Variants in GRK3 observed in about 807,000 individuals in gnomAD.
GRK3 encodes the protein adrenergic, beta, receptor kinase 2.
Under a neutral mutation model 95.7 loss-of-function variants are expected in GRK3, and 54 were observed. The observed-to-expected ratio is 0.56, with a 90% confidence interval of 0.45 to 0.71. The LOEUF (loss-of-function observed/expected upper bound fraction) is 0.71, where lower values mean the gene tolerates loss of function less well. Ranked by LOEUF, GRK3 falls within the 30% of genes least tolerant of loss-of-function variation. The pLI is 0.00. For synonymous variants in GRK3, 281 were observed against 290.8 expected (o/e 0.97, Z 0.34); for missense variants, 649 against 851.2 (o/e 0.76, Z 2.96).
intron 1 of GRK3, among the ~76,000 whole-genome samples, chr22:25,592,775 G>A (rs1932536102): frequency 6.6e-6 from 1 of 152,310 alleles, no homozygotes; most frequent in East Asian, 1.9e-4. Context: ...ACAGTATCCA[G>A]TAGTGTTTCA....
intron 1 of GRK3, among the ~76,000 whole-genome samples, chr22:25,586,560 ATAGCAGTGATG>A (rs1333207276): frequency 6.6e-6 from 1 of 152,292 alleles, no homozygotes; most frequent in East Asian, 1.9e-4. Flanking sequence ...GGGAAATGAT[ATAGCAGTGATG>A]TACAGCAAGC....
Position 25,572,374 on chromosome 22 carries a change from G to C in GRK3, c.113+7221G>C, listed in dbSNP as rs372930158. ...TTATAATGCTTTGGATATATATCCA[G>C]TAATGGGATGGCTGGGTCAAATGGT... On this transcript the variant is annotated intron_variant, in intron 1 of 20. Transcript: ENST00000324198. 8.3e-4 allele frequency among the ~76,000 whole-genome samples: 126 copies of C among 152,316 alleles called. 1 individual carries two copies. Among genetic ancestry groups the C allele is most frequent in the South Asian group, 5.4e-3 (26 of 4,824 alleles).
intron 2 of GRK3, among the ~76,000 whole-genome samples, chr22:25,637,459 A>G (rs74510763): frequency 0.021 from 3,274 of 152,312 alleles, 60 homozygotes; most frequent in Middle Eastern, 0.068. Flanking sequence ...ATAGTATTCC[A>G]CTGTGTGAAA....
chr22:25,676,909 A>G (rs2085034473), intron 8 of GRK3, among the ~76,000 whole-genome samples: 1 of 152,154 alleles, frequency 6.6e-6, no homozygotes, highest in South Asian at 2.1e-4. Context: ...AGTTGCATGC[A>G]CACTGGCTCT....
chr22:25,677,037 GCTAT>G (rs1376630116), intron 8 of GRK3, among the ~76,000 whole-genome samples: 1 of 152,098 alleles, frequency 6.6e-6, no homozygotes, highest in African/African-American at 2.4e-5. Flanking sequence ...AGGCCTGTGT[GCTAT>G]CTCCTTTGGT....
At chr22:25,702,844 G>T (rs1384939781) in intron 13 of GRK3, 2 of 455,944 alleles carry the variant, frequency 4.4e-6, no homozygotes, top group African/African-American at 4.0e-5. Flanking sequence ...CTTTACAGAT[G>T]AAGAATTGAT....
In GRK3 at chr22:25,723,059, G is replaced by A. The variant is rs2085446539; in HGVS notation, c.*609G>A. 6.6e-6 allele frequency: 1 copy of A among 152,370 alleles called. No homozygotes were observed. Among genetic ancestry groups the A allele is most frequent in the African/African-American group, 2.4e-5 (1 of 41,448 alleles). 9.4% of individuals were successfully genotyped at this position (152,370 alleles called of 1,614,324 possible). On this transcript the variant is annotated 3_prime_UTR_variant, in exon 21 of 21. Coordinates refer to ENST00000324198, the MANE Select transcript of GRK3 (RefSeq NM_005160.4). The stretch of plus-strand genomic sequence containing the variant: ...ACCAGTCTGTTCCGGGGCCCCCTCA[G>A]CCAGGTGGGAATGACGGACACGTAC...
chr22:25,698,106 G>A (rs2085224834), intron 13 of GRK3, among the ~76,000 whole-genome samples: 1 of 149,668 alleles, frequency 6.7e-6, no homozygotes, highest in South Asian at 2.1e-4. Context: ...GGAGAGGGAG[G>A]GAGGAGGGAA....
rs1177746420 is a variant in GRK3, at chr22:25,678,851, A to G, written c.683A>G (p.Lys228Arg). 6.2e-7 allele frequency: 1 copy of G among 1,609,486 alleles called. No homozygotes were observed. ...AAATGCTTAGATAAGAAGAGGATCA[A>G]AATGAAACAAGGAGAAACATTAGCC... ...AMKCLDKKRI[K>R]MKQGETLALN... The change falls in exon 9 of 21, where the codon AAA becomes AGA. Residue 228 changes from lysine (K) to arginine (R), a missense_variant. Physicochemically the swap from Lys to Arg is conservative, Grantham distance 26. Transcript: ENST00000324198.
At chr22:25,656,734 C>A (rs181478168) in intron 3 of GRK3, among the ~76,000 whole-genome samples, 1 of 152,076 alleles carries the variant, frequency 6.6e-6, no homozygotes, top group East Asian at 1.9e-4. Context: ...GAGAAACAGA[C>A]AAGAAACAAA....
At chr22:25,575,052 TA>T (rs1931843916) in intron 1 of GRK3, among the ~76,000 whole-genome samples, 1 of 152,220 alleles carries the variant, frequency 6.6e-6, no homozygotes, top group African/African-American at 2.4e-5. Flanking sequence ...ATCCCTCCAA[TA>T]AATAAAACCG....
chr22:25,603,215 C>T (rs2084421074), intron 1 of GRK3, among the ~76,000 whole-genome samples: 1 of 152,116 alleles, frequency 6.6e-6, no homozygotes, highest in Non-Finnish European at 1.5e-5. Context: ...CCTCGCCTAC[C>T]TAACAATATA....
chr22:25,687,815 C>G, intron 11 of GRK3, 148 bp downstream of exon 11: 1 of 840,306 alleles, frequency 1.2e-6, no homozygotes, highest in Non-Finnish European at 1.8e-6. Context: ...GACATTTTAT[C>G]TCCTCTAGAC....
At chr22:25,631,339 T>TA (rs2084663008) in intron 2 of GRK3, among the ~76,000 whole-genome samples, 5 of 152,230 alleles carry the variant, frequency 3.3e-5, no homozygotes, top group Non-Finnish European at 7.3e-5. Flanking sequence ...AGTCCACACT[T>TA]ATGTGTGTGA....
At chr22:25,719,123 A>C (rs1271288705) in intron 19 of GRK3, among the ~76,000 whole-genome samples, 1 of 152,140 alleles carries the variant, frequency 6.6e-6, no homozygotes, top group Non-Finnish European at 1.5e-5. Context: ...GGGTTCCTGG[A>C]ACCAGTCCCC....
intron 1 of GRK3, among the ~76,000 whole-genome samples, chr22:25,574,644 G>C (rs2146313236): frequency 6.6e-6 from 1 of 152,320 alleles, no homozygotes; most frequent in African/African-American, 2.4e-5. Context: ...GAGGTATTTG[G>C]TGGTGGTGGC....
intron 1 of GRK3, among the ~76,000 whole-genome samples, chr22:25,595,574 A>G (rs1282319170): frequency 6.6e-6 from 1 of 152,248 alleles, no homozygotes; most frequent in African/African-American, 2.4e-5. Flanking sequence ...ACATAAGGGA[A>G]TAGTCAAGAA....
intron 15 of GRK3, among the ~76,000 whole-genome samples, chr22:25,706,412 G>A (rs1164943441): frequency 6.6e-6 from 1 of 152,196 alleles, no homozygotes; most frequent in African/African-American, 2.4e-5. Context: ...CGTCCCCAGG[G>A]CAGTAGCTCT....
chr22:25,675,950 G>A (rs767407839), intron 8 of GRK3, among the ~76,000 whole-genome samples: 1 of 152,204 alleles, frequency 6.6e-6, no homozygotes, highest in Non-Finnish European at 1.5e-5. Context: ...CACCTGCTAC[G>A]TCAGGTTCAC....
Sources: allele counts gnomAD v4.1 joint callset (sites outside exome capture counted in the v4.1 genomes callset), GRCh38; gene constraint gnomAD v4.1.1; transcripts MANE v1.5; gene names NCBI Gene and HGNC (gene_info 2026-07-23, HGNC 2026-07-21).